The following AGBL4 variants were observed in gnomAD, a reference collection of about 807,000 sequenced individuals.
AGBL4 encodes AGBL carboxypeptidase 4.
AGBL4 carries 58 observed loss-of-function variants against 66.4 expected under a neutral mutation model. The observed-to-expected ratio is 0.87, with a 90% confidence interval of 0.71 to 1.09. The LOEUF is 1.09. Among genes scored for constraint, AGBL4 ranks in the 50% least tolerant of loss-of-function variants. The pLI is 0.00. For synonymous variants in AGBL4, 234 were observed against 222.9 expected (o/e 1.05, Z -0.44); for missense variants, 579 against 631.0 (o/e 0.92, Z 0.88).
intron 11 of AGBL4, among the ~76,000 whole-genome samples, chr1:48,559,276 T>C (rs1254104813): frequency 1.3e-5 from 2 of 152,214 alleles, no homozygotes; most frequent in Non-Finnish European, 2.9e-5. Context: ...AGAGCATTAA[T>C]TGGACAGAAG....
At chr1:48,560,082 G>A (rs1228209377) in intron 11 of AGBL4, among the ~76,000 whole-genome samples, 1 of 152,012 alleles carries the variant, frequency 6.6e-6, no homozygotes, top group Non-Finnish European at 1.5e-5. Flanking sequence ...TTGTCCCTAG[G>A]ACCCCTATCC....
chr1:49,352,670 G>A (rs112185656), intron 3 of AGBL4, among the ~76,000 whole-genome samples: 1 of 152,106 alleles, frequency 6.6e-6, no homozygotes, highest in African/African-American at 2.4e-5. Context: ...AGCACCAGGA[G>A]CAGAGGAAAA....
intron 1 of AGBL4, among the ~76,000 whole-genome samples, chr1:49,888,947 T>C (rs1006097256): frequency 1.3e-5 from 2 of 152,190 alleles, no homozygotes; most frequent in Non-Finnish European, 2.9e-5. Flanking sequence ...ATAAATAAAG[T>C]ATATGGCTTC....
intron 1 of AGBL4, among the ~76,000 whole-genome samples, chr1:49,876,020 T>C (rs1020347657): frequency 4.0e-4 from 59 of 146,488 alleles, no homozygotes; most frequent in African/African-American, 1.5e-3. Context: ...TTTTTCCTTG[T>C]AAATTTGTTT....
At chr1:49,757,336 A>G (rs1005695764) in intron 2 of AGBL4, among the ~76,000 whole-genome samples, 2 of 152,182 alleles carry the variant, frequency 1.3e-5, no homozygotes, top group Non-Finnish European at 2.9e-5. Flanking sequence ...ATGAACTAAT[A>G]CAGTAAATTG....
At chr1:49,817,922 T>C (rs1645271401) in intron 2 of AGBL4, among the ~76,000 whole-genome samples, 2 of 152,188 alleles carry the variant, frequency 1.3e-5, no homozygotes, top group South Asian at 2.1e-4. Context: ...AGTAATGTCA[T>C]ATATGTGAGC....
chr1:48,934,720 T>C (rs980532454), intron 5 of AGBL4, among the ~76,000 whole-genome samples: 2 of 152,164 alleles, frequency 1.3e-5, no homozygotes, highest in Non-Finnish European at 2.9e-5. Flanking sequence ...CCAGTCTCCA[T>C]AGAATCCTTC....
chr1:49,817,954 C>G (rs901035624), intron 2 of AGBL4, among the ~76,000 whole-genome samples: 4 of 152,028 alleles, frequency 2.6e-5, no homozygotes, highest in African/African-American at 9.7e-5. Context: ...TGTGCATGTG[C>G]CATTCATTAA....
rs1645046634 is a variant in AGBL4 at position 49,316,787 on chromosome 1, A to T, written c.283-70923T>A. The stretch of plus-strand genomic sequence containing the variant: ...TGTATCTGGAAATTTGTCCTACTAA[A>T]ATAATCATGATAAATACAAAAATGC... On this transcript the variant is annotated intron_variant, in intron 3 of 13. Coordinates refer to ENST00000371839, the MANE Select transcript of AGBL4 (RefSeq NM_032785.4). 2.0e-5 allele frequency among the ~76,000 whole-genome samples: 3 copies of T among 151,892 alleles called. 1 individual carries two copies. In the South Asian group the frequency reaches 6.2e-4, roughly 31 times the overall value.
intron 6 of AGBL4, among the ~76,000 whole-genome samples, chr1:48,684,553 C>G (rs949460254): frequency 2.0e-5 from 3 of 152,118 alleles, no homozygotes; most frequent in Non-Finnish European, 4.4e-5. Flanking sequence ...AAGAACCCTG[C>G]TTATTTGGCC....
chr1:49,530,258 G>GAAAAAAAAAAAAAAAA (rs1650992329), intron 3 of AGBL4, among the ~76,000 whole-genome samples: 1 of 21,154 alleles, frequency 4.7e-5, no homozygotes, highest in Admixed American at 5.2e-4. Context: ...AGTAGAATTT[G>GAAAAAAAAAAAAAAAA]TAAAAAAAAA....
At chr1:49,371,248 G>GATAGACAC (rs1220363831) in intron 3 of AGBL4, among the ~76,000 whole-genome samples, 1 of 137,880 alleles carries the variant, frequency 7.3e-6, no homozygotes, top group South Asian at 2.3e-4. Flanking sequence ...TAGATAGATA[G>GATAGACAC]ATACATACAT....
chr1:48,799,134 C>T (rs1247810534), intron 6 of AGBL4, among the ~76,000 whole-genome samples: 1 of 152,198 alleles, frequency 6.6e-6, no homozygotes, highest in Non-Finnish European at 1.5e-5. Flanking sequence ...AATAGTGATT[C>T]TACCCATCCA....
chr1:48,710,322 C>A (rs959434121), intron 6 of AGBL4, among the ~76,000 whole-genome samples: 1 of 152,130 alleles, frequency 6.6e-6, no homozygotes, highest in Non-Finnish European at 1.5e-5. Flanking sequence ...ACTTACAGTG[C>A]CATGGAGGAT....
At chr1:49,563,296 T>C (rs1167179333) in intron 3 of AGBL4, among the ~76,000 whole-genome samples, 4 of 152,118 alleles carry the variant, frequency 2.6e-5, no homozygotes, top group Non-Finnish European at 5.9e-5. Flanking sequence ...TGAATGCTCT[T>C]TATTTCCTTC....
intron 6 of AGBL4, among the ~76,000 whole-genome samples, chr1:48,719,779 G>A (rs912204657): frequency 1.3e-5 from 2 of 152,216 alleles, no homozygotes; most frequent in African/African-American, 4.8e-5. Flanking sequence ...GAAACATGAA[G>A]CCTTCCATTT....
intron 3 of AGBL4, among the ~76,000 whole-genome samples, chr1:49,313,820 C>A (rs925658240): frequency 9.9e-5 from 15 of 152,278 alleles, no homozygotes; most frequent in Middle Eastern, 3.4e-3. Flanking sequence ...TGTAGCTTGC[C>A]TGTTCATTCT....
intron 5 of AGBL4, among the ~76,000 whole-genome samples, chr1:48,913,903 T>C (rs1438550597): frequency 6.6e-6 from 1 of 152,146 alleles, no homozygotes; most frequent in South Asian, 2.1e-4. Flanking sequence ...GGGATTTTCA[T>C]ACCCGTGGAA....
chr1:49,287,043 C>G (rs1265580618), intron 3 of AGBL4, among the ~76,000 whole-genome samples: 1 of 150,634 alleles, frequency 6.6e-6, no homozygotes, highest in Non-Finnish European at 1.5e-5. Context: ...GAACAGAGCC[C>G]TCAGAAATAA....
Sources: gnomAD v4.1 joint callset for allele counts (sites outside exome capture counted in the v4.1 genomes callset) on GRCh38, gnomAD v4.1.1 for gene constraint, MANE v1.5 for transcripts, NCBI Gene and HGNC (gene_info 2026-07-23, HGNC 2026-07-21) for gene names.